Variants in NINL observed in about 807,000 individuals in gnomAD.
NINL encodes the protein ninein like.
A neutral mutation model predicts 160.3 loss-of-function variants in NINL; 153 were observed. The ratio of observed to expected loss-of-function variants is 0.95; its 90% confidence interval spans 0.84 to 1.09. The LOEUF is 1.09. Among genes scored for constraint, NINL ranks in the 50% least tolerant of loss-of-function variants. NINL has a pLI of 0.00. For missense variants in NINL, 1,829 were observed against 1,764.0 expected (o/e 1.04, Z -0.66); for synonymous variants, 800 against 734.8 (o/e 1.09, Z -1.43).
At chr20:25,493,452 G>C (rs1367369040) in intron 10 of NINL, among the ~76,000 whole-genome samples, 1 of 152,196 alleles carries the variant, frequency 6.6e-6, no homozygotes, top group Non-Finnish European at 1.5e-5. Context: ...TCAGGAGAAA[G>C]GAGGGGGCGT....
At chr20:25,564,000 C>A (rs1230449657) in intron 1 of NINL, among the ~76,000 whole-genome samples, 1 of 152,106 alleles carries the variant, frequency 6.6e-6, no homozygotes, top group Non-Finnish European at 1.5e-5. Context: ...AAGAGGATTG[C>A]TTTAGCCCAG....
chr20:25,508,518 G>A (rs410452), intron 5 of NINL, among the ~76,000 whole-genome samples: 258 of 152,358 alleles, frequency 1.7e-3, no homozygotes, highest in Middle Eastern at 6.8e-3. Context: ...GGTTCCCGGG[G>A]TACAGGGCAC....
rs766113562 is a variant in NINL, at chr20:25,505,124, T to G, written c.518-46A>C. Reference sequence around the variant, plus strand: ...CAGTTACACCCTGATACATACACAATGGAGCACGACTCAGCCTTAGAAAGA... The same window carrying G: ...CAGTTACACCCTGATACATACACAAGGGAGCACGACTCAGCCTTAGAAAGA... On this transcript the variant is annotated intron_variant, in intron 5 of 23. Coordinates refer to ENST00000278886, the MANE Select transcript of NINL (RefSeq NM_025176.6). 3 of 1,479,160 alleles carry G rather than the reference T, an allele frequency of 2.0e-6. No homozygotes were observed. In the African/African-American group the frequency reaches 4.2e-5, roughly 21 times the overall value. 91.6% of individuals were successfully genotyped at this position (1,479,160 alleles called of 1,614,324 possible).
intron 2 of NINL, 106 bp from the exon 3 acceptor site, chr20:25,517,955 C>T (rs1207020906): frequency 3.4e-6 from 2 of 586,578 alleles, no homozygotes; most frequent in South Asian, 3.3e-5. Context: ...ATTATTACTG[C>T]CTTTTAGAAT....
intron 1 of NINL, among the ~76,000 whole-genome samples, chr20:25,532,816 G>A (rs748571011): frequency 5.9e-5 from 9 of 152,176 alleles, no homozygotes; most frequent in Non-Finnish European, 7.4e-5. Flanking sequence ...TAAAGGAAAC[G>A]AGGAGGTACT....
At position 25,524,011 on chromosome 20, in the gene NINL, C is replaced by T. The variant is rs116296744; in HGVS notation, c.180+2397G>A. 7.2e-3 allele frequency among the ~76,000 whole-genome samples: 1,103 copies of T among 152,274 alleles called. 9 individuals are homozygous for T. Among genetic ancestry groups the T allele is most frequent in the African/African-American group, 0.025 (1,050 of 41,554 alleles). On this transcript the variant is annotated intron_variant, in intron 2 of 23. Transcript: ENST00000278886. ...AAGGGTTTATCTTGGTTTTGAGACT[C>T]CCTGAAATCTCTACCATTGGGTTTC...
At chr20:25,484,542 G>A (rs1044669704) in intron 13 of NINL, among the ~76,000 whole-genome samples, 14 of 152,222 alleles carry the variant, frequency 9.2e-5, no homozygotes, top group Non-Finnish European at 1.3e-4. Flanking sequence ...GCAAGCAGCC[G>A]AGGACTCTCA....
chr20:25,513,983 G>A (rs528521844), intron 3 of NINL, among the ~76,000 whole-genome samples: 46 of 152,324 alleles, frequency 3.0e-4, no homozygotes, highest in East Asian at 7.7e-4. Flanking sequence ...ACCAGGAGTG[G>A]AGCATTGCTA....
intron 7 of NINL, among the ~76,000 whole-genome samples, chr20:25,501,677 C>T (rs573181751): frequency 8.5e-5 from 13 of 152,306 alleles, no homozygotes; most frequent in African/African-American, 3.1e-4. Context: ...TTCTGAGTTT[C>T]TTCTTTGTCG....
At position 25,517,767 on chromosome 20, in the gene NINL, C is replaced by G. The variant is rs775181400; in HGVS notation, c.263G>C (p.Ser88Thr). The G allele has an allele frequency of 6.2e-7, 1 of 1,600,528 alleles. No homozygotes were observed. Among genetic ancestry groups the G allele is most frequent in the East Asian group, 2.2e-5 (1 of 44,688 alleles). ...AGVRPSDEDS[S>T]SLESAASSAI... ...AATCCTCTTACCTGATTCCAAAGAA[C>G]TACTGTCTTCATCTGAGGGGCGAAC... is the stretch of plus-strand genomic sequence containing the variant. The change falls in exon 3 of 24, where the codon AGT (serine) becomes ACT (threonine). Residue 88 changes from serine to threonine, a missense_variant. Ser to Thr is a moderately conservative substitution (Grantham distance 58). Transcript: ENST00000278886.
At chr20:25,576,222 T>C (rs2065113312) in intron 1 of NINL, among the ~76,000 whole-genome samples, 1 of 152,162 alleles carries the variant, frequency 6.6e-6, no homozygotes, top group African/African-American at 2.4e-5. Flanking sequence ...TTTGAAGTCT[T>C]TGGAGTAGAC....
intron 4 of NINL, among the ~76,000 whole-genome samples, chr20:25,511,790 A>G (rs948005989): frequency 6.6e-6 from 1 of 152,206 alleles, no homozygotes; most frequent in African/African-American, 2.4e-5. Flanking sequence ...GCCCCTGAGA[A>G]AAAAGACTCT....
rs373561824 is a variant in NINL, at chr20:25,499,013, G to A, written c.1033-667C>T. The A allele has an allele frequency of 4.1e-6, 4 of 985,482 alleles. No homozygotes were observed. The African/African-American group carries it at 7.0e-5, about 17-fold the overall frequency. The allele number at this position is 985,482 out of a possible 1,614,324, so 61.0% of individuals were successfully genotyped here. A position where few individuals can be genotyped will look rare whatever the true frequency, so the allele number is the denominator to read the frequency against. ...GTCGTGTTTGCTTTTTCCGCCTTGG[G>A]TATTCCTGGCTCTGCTTTCCACTTG... On this transcript the variant is annotated intron_variant, in intron 8 of 23. Coordinates refer to ENST00000278886, the MANE Select transcript of NINL (RefSeq NM_025176.6).
At position 25,521,776 on chromosome 20, in the gene NINL, T is replaced by A. The variant is rs150681613; in HGVS notation, c.181-3927A>T. 1.6e-3 allele frequency among the ~76,000 whole-genome samples: 243 copies of A among 152,318 alleles called. 3 individuals carry two copies. The highest frequency in any genetic ancestry group is 5.5e-3 in the African/African-American group (228 of 41,570). On this transcript the variant is annotated intron_variant, in intron 2 of 23. Transcript: ENST00000278886. ...ACCCTGGGTTTCTACCTTGAATGAC[T>A]CCGGGTTTTGACATATGTTTCTGGG...
chr20:25,558,134 C>T (rs1440007827), intron 1 of NINL, among the ~76,000 whole-genome samples: 1 of 152,122 alleles, frequency 6.6e-6, no homozygotes. Context: ...GAGCAAGACT[C>T]CATCTCAAAA....
At chr20:25,550,197 A>G (rs2064789297) in intron 1 of NINL, among the ~76,000 whole-genome samples, 1 of 152,246 alleles carries the variant, frequency 6.6e-6, no homozygotes, top group African/African-American at 2.4e-5. Context: ...CCTGAGCAAC[A>G]TAGCGAGACT....
intron 1 of NINL, among the ~76,000 whole-genome samples, chr20:25,562,111 C>A (rs1230117820): frequency 1.4e-5 from 2 of 147,438 alleles, no homozygotes; most frequent in Admixed American, 6.7e-5. Flanking sequence ...CCGCCCCGTC[C>A]GGGAGGGAGG....
At chr20:25,501,898 G>A (rs764943315) in intron 7 of NINL, among the ~76,000 whole-genome samples, 3 of 152,080 alleles carry the variant, frequency 2.0e-5, no homozygotes, top group African/African-American at 7.2e-5. Flanking sequence ...CAGACTGCTG[G>A]GACTACAGGC....
intron 1 of NINL, among the ~76,000 whole-genome samples, chr20:25,536,949 C>T (rs959042512): frequency 1.3e-5 from 2 of 152,150 alleles, no homozygotes; most frequent in African/African-American, 2.4e-5. Flanking sequence ...GGCTATAAAA[C>T]AGTACAATTA....
Sources: gnomAD v4.1 joint callset for allele counts (sites outside exome capture counted in the v4.1 genomes callset) on GRCh38, gnomAD v4.1.1 for gene constraint, MANE v1.5 for transcripts, NCBI Gene and HGNC (gene_info 2026-07-23, HGNC 2026-07-21) for gene names.